HS3ST2: variants seen among roughly 807,000 people sequenced by gnomAD.
HS3ST2 encodes the protein heparan sulfate-glucosamine 3-sulfotransferase 2.
Under a neutral mutation model 26.3 loss-of-function variants are expected in HS3ST2, and 17 were observed. That is an observed-to-expected ratio of 0.65 (90% CI 0.44 to 0.97). The LOEUF (loss-of-function observed/expected upper bound fraction) is 0.97, where lower values mean the gene tolerates loss of function less well. HS3ST2 is among the 50% of genes least tolerant of loss of function. HS3ST2 has a pLI of 0.00. For missense variants in HS3ST2, 402 were observed against 501.2 expected (o/e 0.80, Z 1.89); for synonymous variants, 237 against 219.2 (o/e 1.08, Z -0.72).
chr16:22,910,088 G>T (rs183971007), intron 1 of HS3ST2, among the ~76,000 whole-genome samples: 83 of 151,876 alleles, frequency 5.5e-4, no homozygotes, highest in African/African-American at 2.0e-3. Context: ...AAGTTAGAAG[G>T]GTGGAGCTTC....
At chr16:22,871,861 A>G (rs979392639) in intron 1 of HS3ST2, among the ~76,000 whole-genome samples, 1 of 152,192 alleles carries the variant, frequency 6.6e-6, no homozygotes, top group African/African-American at 2.4e-5. Flanking sequence ...TCCGACGCCA[A>G]TATTGGTAGG....
intron 1 of HS3ST2, among the ~76,000 whole-genome samples, chr16:22,838,839 G>A (rs912725270): frequency 1.3e-5 from 2 of 152,148 alleles, no homozygotes; most frequent in Admixed American, 1.3e-4. Flanking sequence ...GAGAGTTCAG[G>A]GGTTGCTGCT....
chr16:22,852,147 G>A (rs1266218783), intron 1 of HS3ST2, among the ~76,000 whole-genome samples: 1 of 152,114 alleles, frequency 6.6e-6, no homozygotes, highest in East Asian at 1.9e-4. Flanking sequence ...GGCATCTAGT[G>A]GATAGAGGTT....
intron 1 of HS3ST2, among the ~76,000 whole-genome samples, chr16:22,888,381 TTTTTTTTTTTTC>T (rs1337639945): frequency 4.1e-5 from 4 of 97,784 alleles, no homozygotes; most frequent in African/African-American, 1.8e-4. Flanking sequence ...TTCTTTTTTT[TTTTTTTTTTTTC>T]TTTTTTTTTT....
At chr16:22,872,753 A>G (rs1316683471) in intron 1 of HS3ST2, among the ~76,000 whole-genome samples, 1 of 152,158 alleles carries the variant, frequency 6.6e-6, no homozygotes, top group Non-Finnish European at 1.5e-5. Flanking sequence ...AGAATACAAG[A>G]TTCTCCCTAA....
intron 1 of HS3ST2, among the ~76,000 whole-genome samples, chr16:22,907,331 C>T (rs780117544): frequency 6.6e-6 from 1 of 152,174 alleles, no homozygotes; most frequent in South Asian, 2.1e-4. Flanking sequence ...ATCATTGATG[C>T]CTGACTTAAT....
At chr16:22,832,178 G>GTTTTTTTTTTTT (rs1901180793) in intron 1 of HS3ST2, among the ~76,000 whole-genome samples, 1 of 115,902 alleles carries the variant, frequency 8.6e-6, no homozygotes, top group Non-Finnish European at 2.0e-5. Context: ...TTAATTTTTA[G>GTTTTTTTTTTTT]TGGAGATAGG....
At chr16:22,834,471 C>T (rs570761210) in intron 1 of HS3ST2, among the ~76,000 whole-genome samples, 1 of 151,998 alleles carries the variant, frequency 6.6e-6, no homozygotes, top group Non-Finnish European at 1.5e-5. Context: ...TTTAAATGCT[C>T]AGAATTATTT....
At position 22,876,924 on chromosome 16, in the gene HS3ST2, A is replaced by C. The variant is rs2141195317; in HGVS notation, c.486-38020A>C. 1.3e-5 allele frequency among the ~76,000 whole-genome samples: 2 copies of C among 152,318 alleles called. 1 individual carries two copies. Among genetic ancestry groups the C allele is most frequent in the South Asian group, 4.2e-4 (2 of 4,818 alleles). On this transcript the variant is annotated intron_variant, in intron 1 of 1. Coordinates refer to ENST00000261374, the MANE Select transcript of HS3ST2 (RefSeq NM_006043.2). ...TATTCTCACTTATAAGTGGGAGCTA[A>C]GCTACGAGGACACAATGGCTAAGAA... is the stretch of plus-strand genomic sequence containing the variant.
intron 1 of HS3ST2, among the ~76,000 whole-genome samples, chr16:22,867,590 A>G (rs1901775013): frequency 6.6e-6 from 1 of 152,224 alleles, no homozygotes; most frequent in Non-Finnish European, 1.5e-5. Context: ...AGAAATTCAA[A>G]TGGACAATCA....
intron 1 of HS3ST2, among the ~76,000 whole-genome samples, chr16:22,906,689 G>A (rs1229748841): frequency 6.6e-6 from 1 of 152,198 alleles, no homozygotes; most frequent in Non-Finnish European, 1.5e-5. Flanking sequence ...GAGCCCCTGT[G>A]GGCACAATGA....
rs879921863 is a variant in HS3ST2 at position 22,830,164 on chromosome 16, T to TTC, written c.485+15069_485+15070insTC. On this transcript the variant is annotated intron_variant, in intron 1 of 1. Coordinates refer to ENST00000261374, the MANE Select transcript of HS3ST2 (RefSeq NM_006043.2). Reference sequence around the variant, plus strand: ...ATGCTGTCACTGCTTCTCTGTAGGATAGAAGCTCTCTGCAACTTGGTCATT... The same window carrying TTC: ...ATGCTGTCACTGCTTCTCTGTAGGATTCAGAAGCTCTCTGCAACTTGGTCATT... 7.0e-3 allele frequency among the ~76,000 whole-genome samples: 1,066 copies of TTC among 152,290 alleles called. 8 individuals carry two copies. The highest frequency in any genetic ancestry group is 0.013 in the South Asian group (65 of 4,828).
At chr16:22,815,148 G>A (rs1596599322) in intron 1 of HS3ST2, 53 bp downstream of exon 1, 6 of 1,596,446 alleles carry the variant, frequency 3.8e-6, no homozygotes, top group South Asian at 1.1e-5. Context: ...GCTTCCATTG[G>A]GAGAGCCATC....
intron 1 of HS3ST2, among the ~76,000 whole-genome samples, chr16:22,856,347 G>A (rs1237093910): frequency 6.6e-6 from 1 of 152,170 alleles, no homozygotes; most frequent in Non-Finnish European, 1.5e-5. Flanking sequence ...GGTGACAAGT[G>A]ACAGTCCTGT....
At chr16:22,850,150 A>G (rs150447462) in intron 1 of HS3ST2, among the ~76,000 whole-genome samples, 1 of 152,296 alleles carries the variant, frequency 6.6e-6, no homozygotes, top group Non-Finnish European at 1.5e-5. Flanking sequence ...TTTGCTATTA[A>G]TACAATGGGT....
In HS3ST2 at chr16:22,814,463, A is replaced by G; in HGVS notation, c.-148A>G. ...TGGCACTGTGCGCACCCTGGTCAGC[A>G]GCCCCCGGAGAAGACGGCGCCCCCA... On this transcript the variant is annotated 5_prime_UTR_variant, in exon 1 of 2. Transcript: ENST00000261374. The G allele has an allele frequency of 1.4e-6, 1 of 736,794 alleles. No homozygotes were observed. Among genetic ancestry groups the G allele is most frequent in the East Asian group, 3.2e-5 (1 of 31,610 alleles). 45.6% of individuals were successfully genotyped at this position (736,794 alleles called of 1,614,324 possible). A position where few individuals can be genotyped will look rare whatever the true frequency, so the allele number is the denominator to read the frequency against.
chr16:22,833,330 T>C (rs1901203694), intron 1 of HS3ST2: 3 of 455,896 alleles, frequency 6.6e-6, no homozygotes, highest in African/African-American at 2.0e-5. Context: ...GTGATTGTGC[T>C]GAAGCTACCT....
chr16:22,846,405 C>T (rs772906312), intron 1 of HS3ST2, among the ~76,000 whole-genome samples: 16 of 152,092 alleles, frequency 1.1e-4, no homozygotes, highest in Non-Finnish European at 1.9e-4. Context: ...CCTCTAATGC[C>T]TCCCTTGTTA....
At chr16:22,864,627 G>A (rs1901723002) in intron 1 of HS3ST2, among the ~76,000 whole-genome samples, 2 of 152,116 alleles carry the variant, frequency 1.3e-5, no homozygotes, top group Admixed American at 1.3e-4. Flanking sequence ...AGAGCCCAGA[G>A]TATATCTATC....
Sources: gnomAD v4.1 joint callset for allele counts (sites outside exome capture counted in the v4.1 genomes callset) on GRCh38, gnomAD v4.1.1 for gene constraint, MANE v1.5 for transcripts, NCBI Gene and HGNC (gene_info 2026-07-23, HGNC 2026-07-21) for gene names.